RC3H2: variants seen among roughly 807,000 people sequenced by gnomAD.
RC3H2 encodes the protein roquin-2.
RC3H2 carries 31 observed loss-of-function variants against 133.3 expected under a neutral mutation model. That is an observed-to-expected ratio of 0.23 (90% CI 0.17 to 0.31). RC3H2 has a LOEUF of 0.31. RC3H2 is among the 10% of genes least tolerant of loss of function. RC3H2 has a pLI of 1.00. For missense variants in RC3H2, 1,175 were observed against 1,437.2 expected, an observed-to-expected ratio of 0.82 and a Z score of 2.95; for synonymous variants, 517 against 502.2, an observed-to-expected ratio of 1.03 and a Z score of -0.40.
chr9:122,860,008 T>C lies in RC3H2; in HGVS notation c.1758A>G (p.Val586=). ...TTTCAGAATGCGGAGGATATACTGG[T>C]ACTCTAGTTAGAAATGGGCTGGATT... The part of the protein sequence containing the change: ...PQKSSPFLTR[V]PVYPPHSENI... Residue 586 remains valine (V), a synonymous_variant, in exon 11 of 21, where the codon GTA becomes GTG. Coordinates refer to ENST00000357244, the MANE Select transcript of RC3H2 (RefSeq NM_001100588.3). 1 of 1,614,094 alleles carries C rather than the reference T, an allele frequency of 6.2e-7. No individual in the cohort carries two copies. Among genetic ancestry groups the C allele is most frequent in the Non-Finnish European group, 8.5e-7 (1 of 1,179,962 alleles).
chr9:122,865,950 C>A (rs1245496154), intron 9 of RC3H2, among the ~76,000 whole-genome samples: 3 of 151,860 alleles, frequency 2.0e-5, no homozygotes, highest in African/African-American at 7.3e-5. Context: ...TTCAAAAAAA[C>A]CTTTTGAGGG....
At chr9:122,884,298 A>T (rs527528454) in intron 4 of RC3H2, among the ~76,000 whole-genome samples, 11 of 152,266 alleles carry the variant, frequency 7.2e-5, no homozygotes, top group African/African-American at 2.6e-4. Context: ...GTCTCTAAAA[A>T]AAAAATTAAA....
intron 18 of RC3H2, among the ~76,000 whole-genome samples, chr9:122,853,377 A>AT (rs1317475180): frequency 3.3e-4 from 47 of 142,688 alleles, no homozygotes; most frequent in Middle Eastern, 3.5e-3. Flanking sequence ...AGAATGATCA[A>AT]TAAAAAAAAA....
intron 4 of RC3H2, among the ~76,000 whole-genome samples, chr9:122,884,369 T>C (rs1831802222): frequency 1.3e-5 from 2 of 152,320 alleles, no homozygotes; most frequent in East Asian, 1.9e-4. Context: ...TAATAAATGG[T>C]ATTGTTTTCA....
At position 122,848,606 on chromosome 9, in the gene RC3H2, C is replaced by G. The variant is rs1423790297; in HGVS notation, c.*1021G>C. On this transcript the variant is annotated 3_prime_UTR_variant, in exon 21 of 21. Coordinates refer to ENST00000357244, the MANE Select transcript of RC3H2 (RefSeq NM_001100588.3). ...AACCCCAACATGAAGTAACAATAAA[C>G]AATATTTAACCAAGATAATGCAATG... The G allele has an allele frequency of 6.6e-6, 1 of 152,134 alleles. No individual in the cohort carries two copies. The highest frequency in any genetic ancestry group is 1.5e-5 in the Non-Finnish European group (1 of 67,992). 9.4% of individuals were successfully genotyped at this position (152,134 alleles called of 1,614,324 possible).
intron 3 of RC3H2, 100 bp from the exon 4 acceptor site, chr9:122,890,645 T>G: frequency 1.2e-6 from 1 of 803,076 alleles, no homozygotes; most frequent in Non-Finnish European, 2.0e-6. Flanking sequence ...CAATTCCTAA[T>G]GAGTCCCTTG....
intron 9 of RC3H2, chr9:122,875,031 C>A: frequency 1.2e-6 from 1 of 858,022 alleles, no homozygotes; most frequent in Non-Finnish European, 1.6e-6. Flanking sequence ...TCAAAAGCTC[C>A]CCTTTTAGCT....
At chr9:122,874,511 A>G (rs1325208800) in intron 9 of RC3H2, 1 of 149,300 alleles carries the variant, frequency 6.7e-6, no homozygotes, top group Non-Finnish European at 1.5e-5. Flanking sequence ...TTATTATTTT[A>G]TTATTTTTAT....
At chr9:122,859,823 A>AT (rs968526250) in intron 11 of RC3H2, 94 bp downstream of exon 11, 23 of 1,078,192 alleles carry the variant, frequency 2.1e-5, no homozygotes, top group Admixed American at 4.2e-5. Flanking sequence ...AAAAGGATTA[A>AT]TTTTTTTAAA....
intron 9 of RC3H2, among the ~76,000 whole-genome samples, chr9:122,873,098 T>C (rs1199688269): frequency 6.6e-6 from 1 of 152,204 alleles, no homozygotes; most frequent in Non-Finnish European, 1.5e-5. Context: ...GAGGGGTGTA[T>C]AATAGAGAAA....
At position 122,854,534 on chromosome 9, in the gene RC3H2, T is replaced by C; in HGVS notation, c.2897A>G (p.Glu966Gly). ...ATAGAATTAAGAAGAACGTTACCTT[T>C]CAACATAGTGTGCTGATGATGTGGC... ...NEATSSAHYV[E>G]RDRFIVTDLS... The change falls in exon 16 of 21, where the codon GAA (glutamate) becomes GGA (glycine). Residue 966 changes from glutamate (E) to glycine (G), a missense_variant. Transcript: ENST00000357244. 1 of 1,609,618 alleles carries C rather than the reference T, an allele frequency of 6.2e-7. No individual in the cohort carries two copies. The highest frequency in any genetic ancestry group is 1.1e-5 in the South Asian group (1 of 90,996).
rs1453834953 is a variant in RC3H2 at position 122,892,906 on chromosome 9, T to C, written c.349+3A>G. 1 of 1,610,896 alleles carries C rather than the reference T, an allele frequency of 6.2e-7. No homozygotes were observed. Among genetic ancestry groups the C allele is most frequent in the East Asian group, 2.2e-5 (1 of 44,822 alleles). On this transcript the variant is annotated splice_donor_region_variant and intron_variant, in intron 3 of 20. Transcript: ENST00000357244. The stretch of plus-strand genomic sequence containing the variant: ...TCAGTAAAAATGCATTTTATGAACT[T>C]ACCTTTACCTCCACTTAGTGGTTTT...
chr9:122,894,833 T>C (rs993460519), intron 2 of RC3H2, among the ~76,000 whole-genome samples: 2 of 152,190 alleles, frequency 1.3e-5, no homozygotes, highest in African/African-American at 4.8e-5. Flanking sequence ...TGAGCCGAGA[T>C]TGCGCCACTG....
At chr9:122,874,024 T>C (rs1831225008) in intron 9 of RC3H2, 1 of 152,114 alleles carries the variant, frequency 6.6e-6, no homozygotes, top group Non-Finnish European at 1.5e-5. Context: ...TGGAGTGCTA[T>C]GGCAGCATGG....
chr9:122,848,592 GAAGT>G lies in RC3H2; in HGVS notation c.*1031_*1034del, dbSNP rs1330857942. ...AACAAGAAAAACTAAACCCCAACAT[GAAGT>G]AACAATAAACAATATTTAACCAAGA... On this transcript the variant is annotated 3_prime_UTR_variant, in exon 21 of 21. Transcript: ENST00000357244. The G allele has an allele frequency of 6.6e-6, 1 of 152,108 alleles. No individual in the cohort carries two copies. Among genetic ancestry groups the G allele is most frequent in the African/African-American group, 2.4e-5 (1 of 41,422 alleles). The allele number at this position is 152,108 out of a possible 1,614,324, so 9.4% of individuals were successfully genotyped here. A position where few individuals can be genotyped will look rare whatever the true frequency, so the allele number is the denominator to read the frequency against.
At chr9:122,866,524 C>A (rs993095919) in intron 9 of RC3H2, among the ~76,000 whole-genome samples, 1 of 151,988 alleles carries the variant, frequency 6.6e-6, no homozygotes, top group African/African-American at 2.4e-5. Context: ...CCTGCCTCAG[C>A]CTGCGGAGTG....
chr9:122,875,257 T>C (rs985785720), intron 9 of RC3H2: 4 of 1,551,028 alleles, frequency 2.6e-6, no homozygotes, highest in East Asian at 2.4e-5. Context: ...CACACACACT[T>C]ATCTTCTCTC....
chr9:122,871,566 G>C (rs542573516), intron 9 of RC3H2, among the ~76,000 whole-genome samples: 1 of 151,010 alleles, frequency 6.6e-6, no homozygotes, highest in East Asian at 1.9e-4. Flanking sequence ...CTTGTGATCC[G>C]CCTGCCTCGG....
intron 5 of RC3H2, among the ~76,000 whole-genome samples, chr9:122,882,941 G>A (rs1251808037): frequency 6.6e-6 from 1 of 152,192 alleles, no homozygotes; most frequent in African/African-American, 2.4e-5. Context: ...ACTTTTACTT[G>A]ATAAGAGTCA....
Sources: gnomAD v4.1 joint callset for allele counts (sites outside exome capture counted in the v4.1 genomes callset) on GRCh38, gnomAD v4.1.1 for gene constraint, MANE v1.5 for transcripts, NCBI Gene and HGNC (gene_info 2026-07-23, HGNC 2026-07-21) for gene names.